RIMS2: variants seen among roughly 807,000 people sequenced by gnomAD.
RIMS2 encodes the protein regulating synaptic membrane exocytosis 2.
A neutral mutation model predicts 174.4 loss-of-function variants in RIMS2; 59 were observed. That is an observed-to-expected ratio of 0.34 (90% CI 0.27 to 0.42). The LOEUF (loss-of-function observed/expected upper bound fraction) is 0.42, where lower values mean the gene tolerates loss of function less well. Ranked by LOEUF, RIMS2 falls within the 10% of genes least tolerant of loss-of-function variation. The probability of loss-of-function intolerance (pLI) is 1.00; values close to 1 mark genes in which losing one functional copy is unlikely to be tolerated. For synonymous variants in RIMS2, 606 were observed against 572.5 expected (o/e 1.06, Z -0.84); for missense variants, 1,620 against 1,666.3 (o/e 0.97, Z 0.48).
chr8:103,514,114 G>A (rs1827868125), intron 1 of RIMS2, among the ~76,000 whole-genome samples: 1 of 152,116 alleles, frequency 6.6e-6, no homozygotes, highest in African/African-American at 2.4e-5. Context: ...TACATAAATA[G>A]TACCATTCTA....
intron 1 of RIMS2, among the ~76,000 whole-genome samples, chr8:103,630,740 A>G (rs2095897911): frequency 6.6e-6 from 1 of 152,182 alleles, no homozygotes; most frequent in Non-Finnish European, 1.5e-5. Context: ...ATAAAATAAA[A>G]TGAAATACTA....
chr8:104,070,697 CTT>C (rs2097181402), intron 19 of RIMS2, among the ~76,000 whole-genome samples: 1 of 151,964 alleles, frequency 6.6e-6, no homozygotes. Flanking sequence ...GTAAATGTGT[CTT>C]CAGATAACAT....
intron 1 of RIMS2, among the ~76,000 whole-genome samples, chr8:103,616,978 T>C (rs2095519419): frequency 6.6e-6 from 1 of 152,146 alleles, no homozygotes; most frequent in African/African-American, 2.4e-5. Flanking sequence ...GTGCTATTCT[T>C]ACCAAGCCAC....
Position 103,746,099 on chromosome 8 carries a change from T to C in RIMS2, c.388-20128T>C, listed in dbSNP as rs2097808680. Among the ~76,000 whole-genome samples the C allele has an allele frequency of 2.6e-5, 4 of 152,258 alleles. No homozygotes were observed. In the South Asian group the frequency reaches 8.3e-4, roughly 32 times the overall value. ...GCTTTAGTTCTTACATTGAGGTCTT[T>C]GATCCATTTTAAGTTAATTTTTGTG... On this transcript the variant is annotated intron_variant, in intron 2 of 23. Coordinates refer to ENST00000504942, the Ensembl canonical transcript of RIMS2.
intron 1 of RIMS2, among the ~76,000 whole-genome samples, chr8:103,640,614 A>G (rs1357643956): frequency 6.6e-6 from 1 of 152,060 alleles, no homozygotes; most frequent in Non-Finnish European, 1.5e-5. Flanking sequence ...GACTTGACTC[A>G]CATATTTTTA....
chr8:103,998,831 T>C (rs2095258262), intron 17 of RIMS2, among the ~76,000 whole-genome samples: 1 of 151,726 alleles, frequency 6.6e-6, no homozygotes, highest in South Asian at 2.1e-4. Context: ...CTTTCCAAAG[T>C]GGGAATTTGC....
chr8:104,065,932 C>T (rs1311720452), intron 19 of RIMS2, among the ~76,000 whole-genome samples: 1 of 152,154 alleles, frequency 6.6e-6, no homozygotes, highest in East Asian at 1.9e-4. Flanking sequence ...CTCCTTAGAT[C>T]TGCCAGTGGT....
At chr8:103,791,009 C>T (rs143627476) in intron 3 of RIMS2, among the ~76,000 whole-genome samples, 22,836 of 152,076 alleles carry the variant, frequency 0.15, 1,788 homozygotes, top group Middle Eastern at 0.24. Context: ...AGGATATTAT[C>T]CAGGAGAACT....
intron 3 of RIMS2, among the ~76,000 whole-genome samples, chr8:103,778,687 A>G (rs1321533698): frequency 6.6e-6 from 1 of 152,146 alleles, no homozygotes; most frequent in Non-Finnish European, 1.5e-5. Flanking sequence ...TATTTTGGCT[A>G]TTGTGAATAG....
At chr8:103,961,200 A>G (rs549042674) in intron 15 of RIMS2, 67 bp downstream of exon 17, 3 of 803,640 alleles carry the variant, frequency 3.7e-6, no homozygotes, top group Admixed American at 4.0e-5. Context: ...TTACCATAAA[A>G]GTAAATAAAT....
chr8:103,673,370 T>G (rs1373754759), intron 1 of RIMS2, among the ~76,000 whole-genome samples: 1 of 152,204 alleles, frequency 6.6e-6, no homozygotes, highest in Non-Finnish European at 1.5e-5. Context: ...TGCACTCTCC[T>G]AGTAGAGATT....
intron 19 of RIMS2, among the ~76,000 whole-genome samples, chr8:104,203,494 CTTT>C (rs10545100): frequency 5.2e-3 from 379 of 72,804 alleles, no homozygotes; most frequent in African/African-American, 0.018. Context: ...AGACACTGTA[CTTT>C]TTTTTTTTTT....
At chr8:103,676,536 T>C (rs986992780) in intron 1 of RIMS2, among the ~76,000 whole-genome samples, 5 of 152,080 alleles carry the variant, frequency 3.3e-5, no homozygotes, top group African/African-American at 1.2e-4. Flanking sequence ...ATTCAATTCT[T>C]CTTCTCAGTT....
At chr8:104,068,405 G>A (rs2097139960) in intron 19 of RIMS2, 107 bp from the exon 23 acceptor site, 1 of 545,078 alleles carries the variant, frequency 1.8e-6, no homozygotes. Context: ...GCTACATTGA[G>A]TGAAAGTAAT....
At chr8:103,785,090 G>T (rs1251219228) in intron 3 of RIMS2, among the ~76,000 whole-genome samples, 2 of 141,954 alleles carry the variant, frequency 1.4e-5, no homozygotes, top group Non-Finnish European at 3.1e-5. Flanking sequence ...TGGTGCGTAA[G>T]AATGCTTGTG....
chr8:103,592,820 A>G (rs2094323617), intron 1 of RIMS2, among the ~76,000 whole-genome samples: 1 of 151,422 alleles, frequency 6.6e-6, no homozygotes, highest in Non-Finnish European at 1.5e-5. Context: ...TCTTTAATGA[A>G]GCAGTAAAAA....
intron 19 of RIMS2, among the ~76,000 whole-genome samples, chr8:104,197,767 G>T (rs1301882814): frequency 3.9e-5 from 6 of 152,052 alleles, no homozygotes; most frequent in Non-Finnish European, 7.4e-5. Flanking sequence ...GTTAAGGGGG[G>T]TATAGGTGGA....
intron 19 of RIMS2, among the ~76,000 whole-genome samples, chr8:104,229,867 T>C (rs749308239): frequency 2.0e-5 from 3 of 152,212 alleles, no homozygotes; most frequent in Non-Finnish European, 4.4e-5. Context: ...TCACCAAAAA[T>C]GCATTTCTGT....
exon 1 of RIMS2, chr8:103,500,972 T>G: frequency 6.2e-7 from 1 of 1,610,976 alleles, no homozygotes; most frequent in Non-Finnish European, 8.5e-7. Flanking sequence ...ATGCCTGACC[T>G]CAGCCACCTC....
Sources: gnomAD v4.1 joint callset for allele counts (sites outside exome capture counted in the v4.1 genomes callset) on GRCh38, gnomAD v4.1.1 for gene constraint, MANE v1.5 for transcripts, NCBI Gene and HGNC (gene_info 2026-07-23, HGNC 2026-07-21) for gene names.